Variants in CAPN8 observed in about 807,000 individuals in gnomAD.
The protein encoded by CAPN8 is calpain 8, also known as calpain-8.
In CAPN8, 87 loss-of-function variants were observed where a neutral mutation model predicts 80.9. The ratio of observed to expected loss-of-function variants is 1.07; its 90% CI spans 0.90 to 1.28. The LOEUF (loss-of-function observed/expected upper bound fraction) is 1.28. CAPN8 is among the 50% of genes most tolerant of loss of function. CAPN8 has a pLI of 0.00. For synonymous variants in CAPN8, 299 were observed against 273.8 expected (o/e 1.09, Z -0.91); for missense variants, 757 against 702.0 (o/e 1.08, Z -0.89).
chr1:223,652,853 G>T lies in CAPN8; in HGVS notation c.307+1477C>A, dbSNP rs547651930. Reference sequence around the variant, plus strand: ...TGAGCTGGATTCGGAGAGCTGGTTGGGTTCATTTCCTGTGCTTCCAGCCTC... The same window carrying T: ...TGAGCTGGATTCGGAGAGCTGGTTGTGTTCATTTCCTGTGCTTCCAGCCTC... On this transcript the variant is annotated intron_variant, in intron 2 of 20. Coordinates refer to ENST00000366872, the MANE Select transcript of CAPN8 (RefSeq NM_001143962.2). Among the ~76,000 whole-genome samples, 21 of 152,158 alleles carry T rather than the reference G, an allele frequency of 1.4e-4. No homozygotes were observed. In the South Asian group the frequency reaches 3.3e-3, roughly 24 times the overall value.
Position 223,620,230 on chromosome 1 carries a change from C to A in CAPN8, c.936G>T (p.Lys312Asn). 1 of 1,551,672 alleles carries A rather than the reference C, an allele frequency of 6.4e-7. No homozygotes were observed. Among genetic ancestry groups the A allele is most frequent in the Non-Finnish European group, 8.7e-7 (1 of 1,146,986 alleles). ...PEWNHIDPRRKEELDKKVEDG... is the reference protein window; with the variant it reads ...PEWNHIDPRRNEELDKKVEDG... The stretch of plus-strand genomic sequence containing the variant: ...CCTCAACTTTCTTGTCCAGTTCTTC[C>A]TTCCGCCGGGGGTCTATGTGATTCC... Residue 312 changes from lysine (K) to asparagine (N), a missense_variant, in exon 8 of 21, where the codon AAG becomes AAT. Coordinates refer to ENST00000366872, the MANE Select transcript of CAPN8 (RefSeq NM_001143962.2).
chr1:223,628,125 C>A lies in CAPN8; in HGVS notation c.444G>T (p.Glu148Asp). The A allele has an allele frequency of 6.5e-7, 1 of 1,549,088 alleles. No homozygotes were observed. The highest frequency in any genetic ancestry group is 8.7e-7 in the Non-Finnish European group (1 of 1,145,920). ...IFHFQFWQYG[E>D]WVEVVIDDRL... ...TGTCGTCAATGACCACCTCCACCCA[C>A]TCTCCGTACTGCCAGAACTGGGGAG... Residue 148 changes from glutamate to aspartate, a missense_variant, in exon 4 of 21, where the codon GAG (glutamate) becomes GAT (aspartate). Physicochemically the swap from Glu to Asp is conservative, Grantham distance 45. Coordinates refer to ENST00000366872, the MANE Select transcript of CAPN8 (RefSeq NM_001143962.2).
intron 9 of CAPN8, among the ~76,000 whole-genome samples, chr1:223,618,781 G>A (rs369202096): frequency 1.5e-3 from 236 of 152,340 alleles, no homozygotes; most frequent in African/African-American, 5.2e-3. Flanking sequence ...GCAGCTGAGC[G>A]GCTGCAGAGC....
At chr1:223,655,535 G>T (rs1053185325) in intron 1 of CAPN8, among the ~76,000 whole-genome samples, 1 of 152,208 alleles carries the variant, frequency 6.6e-6, no homozygotes. Context: ...AATAAACCAC[G>T]TAGTTCTTGG....
chr1:223,627,949 A>T, intron 4 of CAPN8, 60 bp downstream of exon 4: 3 of 1,467,000 alleles, frequency 2.0e-6, no homozygotes, highest in Non-Finnish European at 2.7e-6. Context: ...CGTGGGAGGG[A>T]CAGGTGAGAG....
rs549902975 is a variant in CAPN8, at chr1:223,551,915, T to C, written c.1642-898A>G. On this transcript the variant is annotated intron_variant, in intron 14 of 20. Transcript: ENST00000366872. The stretch of plus-strand genomic sequence containing the variant: ...AGTTGGTATTTCACATAGGAGCCCA[T>C]CTCAAACTGGGGGCAGAGATTGAGA... 1.6e-4 allele frequency among the ~76,000 whole-genome samples: 24 copies of C among 152,250 alleles called. No homozygotes were observed. In the South Asian group the frequency reaches 4.4e-3, roughly 28 times the overall value.
At chr1:223,618,244 A>G in intron 9 of CAPN8, 1 of 1,550,602 alleles carries the variant, frequency 6.4e-7, no homozygotes, top group Non-Finnish European at 8.7e-7. Flanking sequence ...GAGTTTCTTC[A>G]TCAGGTGCTG....
chr1:223,658,938 T>C (rs1274427861), intron 1 of CAPN8, among the ~76,000 whole-genome samples: 2 of 152,180 alleles, frequency 1.3e-5, no homozygotes, highest in Admixed American at 1.3e-4. Flanking sequence ...TACAAAGTAA[T>C]TGGGAGTCAG....
chr1:223,629,028 CA>C, intron 2 of CAPN8: 1 of 488,858 alleles, frequency 2.0e-6, no homozygotes, highest in East Asian at 3.4e-5. Context: ...ACATGCTGAT[CA>C]TTTCCCCACT....
At chr1:223,613,370 T>C (rs1657084395) in intron 10 of CAPN8, among the ~76,000 whole-genome samples, 2 of 152,326 alleles carry the variant, frequency 1.3e-5, no homozygotes, top group Non-Finnish European at 2.9e-5. Context: ...TCCTGTCAGC[T>C]CCTGGCCTAA....
chr1:223,615,708 A>G (rs970988897), intron 10 of CAPN8: 1 of 584,034 alleles, frequency 1.7e-6, no homozygotes, highest in African/African-American at 1.8e-5. Flanking sequence ...GAACACATGT[A>G]CACTGAGCCC....
At chr1:223,650,540 G>C (rs1035585612) in intron 2 of CAPN8, among the ~76,000 whole-genome samples, 3 of 152,214 alleles carry the variant, frequency 2.0e-5, no homozygotes, top group Non-Finnish European at 4.4e-5. Flanking sequence ...GGAATCATTA[G>C]TCGTCCTGTT....
intron 2 of CAPN8, among the ~76,000 whole-genome samples, chr1:223,640,238 C>A (rs769010433): frequency 6.6e-6 from 1 of 152,106 alleles, no homozygotes; most frequent in Non-Finnish European, 1.5e-5. Flanking sequence ...AGATAAGATA[C>A]GCAAGGTGCC....
At position 223,558,145 on chromosome 1, in the gene CAPN8, C is replaced by G; in HGVS notation, c.1558G>C (p.Gly520Arg). 6 of 398,566 alleles carry G rather than the reference C, an allele frequency of 1.5e-5. No individual in the cohort carries two copies. In the Middle Eastern group the frequency reaches 2.5e-3, roughly 167 times the overall value. 24.7% of individuals were successfully genotyped at this position (398,566 alleles called of 1,614,324 possible). Residue 520 changes from glycine to arginine, a missense_variant, in exon 13 of 21, where the codon GGA (glycine) becomes CGA (arginine). By Grantham distance (125) the Gly-to-Arg change is moderately radical. Coordinates refer to ENST00000366872, the MANE Select transcript of CAPN8 (RefSeq NM_001143962.2). ...QALEIGDVVA[G>R]NPYEPHPSEV... is the part of the protein sequence containing the mutation. ...AGATTGCATACCTCATATGGGTTTCCAGCTACCACATCCCCAATTTCTCTG... is the reference window on the plus strand; with the variant it reads ...AGATTGCATACCTCATATGGGTTTCGAGCTACCACATCCCCAATTTCTCTG...
intron 2 of CAPN8, among the ~76,000 whole-genome samples, chr1:223,630,854 C>G (rs1430578365): frequency 6.6e-6 from 1 of 152,144 alleles, no homozygotes; most frequent in African/African-American, 2.4e-5. Context: ...AGGGCAGTCT[C>G]TCATTAAAAG....
At chr1:223,630,654 C>A (rs896019843) in intron 2 of CAPN8, among the ~76,000 whole-genome samples, 14 of 152,134 alleles carry the variant, frequency 9.2e-5, no homozygotes, top group African/African-American at 3.1e-4. Flanking sequence ...TTTTGAAGAG[C>A]TTTTCTGATC....
intron 2 of CAPN8, among the ~76,000 whole-genome samples, chr1:223,645,629 C>T (rs549675604): frequency 6.6e-6 from 1 of 152,170 alleles, no homozygotes; most frequent in African/African-American, 2.4e-5. Context: ...AACACATGTA[C>T]AGAAGGGGCT....
At chr1:223,654,252 G>A in intron 2 of CAPN8, 78 bp downstream of exon 2, 2 of 1,269,004 alleles carry the variant, frequency 1.6e-6, no homozygotes, top group South Asian at 2.6e-5. Flanking sequence ...AAGTCTCACA[G>A]CTTCATCTGA....
intron 10 of CAPN8, among the ~76,000 whole-genome samples, chr1:223,614,303 G>A (rs903533513): frequency 1.3e-5 from 2 of 152,122 alleles, no homozygotes; most frequent in Admixed American, 1.3e-4. Flanking sequence ...AAGAGGCTGA[G>A]GCAGGAGAAT....
Sources: gnomAD v4.1 joint callset for allele counts (sites outside exome capture counted in the v4.1 genomes callset) on GRCh38, gnomAD v4.1.1 for gene constraint, MANE v1.5 for transcripts, NCBI Gene and HGNC (gene_info 2026-07-23, HGNC 2026-07-21) for gene names.